NAV2: variants seen among roughly 807,000 people sequenced by gnomAD.
NAV2 encodes neuron navigator 2, also known as helicase, APC down-regulated 1.
In NAV2, 54 loss-of-function variants were observed where a neutral mutation model predicts 223.2. That is an observed-to-expected ratio of 0.24 (90% confidence interval 0.19 to 0.30). The LOEUF (loss-of-function observed/expected upper bound fraction) is 0.30, where lower values mean the gene tolerates loss of function less well. NAV2 is among the 10% of genes least tolerant of loss of function. NAV2 has a pLI of 1.00. For synonymous variants in NAV2, 1,279 were observed against 1,239.3 expected, an observed-to-expected ratio of 1.03 and a Z score of -0.67; for missense variants, 2,806 against 3,147.5, an observed-to-expected ratio of 0.89 and a Z score of 2.60.
chr11:19,465,403 C>A (rs1362636033), intron 1 of NAV2, among the ~76,000 whole-genome samples: 1 of 152,126 alleles, frequency 6.6e-6, no homozygotes, highest in Non-Finnish European at 1.5e-5. Context: ...TATAAAATAG[C>A]TTCTTTGTAT....
intron 1 of NAV2, among the ~76,000 whole-genome samples, chr11:19,461,813 G>C (rs4757002): frequency 0.61 from 92,728 of 152,118 alleles, 29,049 homozygotes; most frequent in Non-Finnish European, 0.7. Context: ...CTTATATCTC[G>C]GTTATGAACA....
chr11:19,487,068 G>A (rs768198105), intron 1 of NAV2, among the ~76,000 whole-genome samples: 2 of 152,146 alleles, frequency 1.3e-5, no homozygotes, highest in Admixed American at 6.5e-5. Context: ...CACATTACCT[G>A]GGTAAGTGGC....
chr11:19,392,293 T>G (rs1246679136), intron 1 of NAV2, among the ~76,000 whole-genome samples: 1 of 152,240 alleles, frequency 6.6e-6, no homozygotes, highest in Non-Finnish European at 1.5e-5. Flanking sequence ...CATTTATTGC[T>G]ATATAACAAA....
At chr11:19,712,826 G>T (rs908575039), upstream of NAV2, among the ~76,000 whole-genome samples, 2 of 151,530 alleles carry the variant, frequency 1.3e-5, no homozygotes, top group East Asian at 2.0e-4. Context: ...CAGCAGCGCC[G>T]GCAGCAGCCT....
intron 1 of NAV2, among the ~76,000 whole-genome samples, chr11:19,753,711 GA>G (rs2054023012): frequency 6.6e-6 from 1 of 152,244 alleles, no homozygotes; most frequent in Non-Finnish European, 1.5e-5. Flanking sequence ...GCTGAAGTCA[GA>G]ACAGGTGGGG....
intron 10 of NAV2, among the ~76,000 whole-genome samples, chr11:19,980,053 C>G (rs1018256405): frequency 1.3e-5 from 2 of 152,172 alleles, no homozygotes; most frequent in Non-Finnish European, 2.9e-5. Flanking sequence ...TATACTAGGT[C>G]CTTCAGCCAG....
chr11:19,664,159 A>C (rs1426049223), intron 1 of NAV2, among the ~76,000 whole-genome samples: 1 of 152,238 alleles, frequency 6.6e-6, no homozygotes, highest in Non-Finnish European at 1.5e-5. Context: ...TTCAATTATT[A>C]AAGAACACCA....
rs544383994 is a variant in NAV2 at position 19,803,067 on chromosome 11, C to A, written c.268-29417C>A. On this transcript the variant is annotated intron_variant, in intron 1 of 37. Coordinates refer to ENST00000349880, the MANE Select transcript of NAV2 (RefSeq NM_145117.5). ...ATTTTTACCAGCAATACAGATGTTT[C>A]TGCTCTTGTGCAAAATTTCATTAAA... Among the ~76,000 whole-genome samples the A allele has an allele frequency of 3.9e-3, 597 of 152,288 alleles. 1 individual carries two copies. The highest frequency in any genetic ancestry group is 0.034 in the Middle Eastern group (10 of 294).
chr11:19,396,946 GA>G (rs1427248646), intron 1 of NAV2, among the ~76,000 whole-genome samples: 1 of 152,180 alleles, frequency 6.6e-6, no homozygotes, highest in East Asian at 1.9e-4. Context: ...GTATTCACCG[GA>G]AGCCTCTTCC....
chr11:19,473,829 C>A (rs1222963342), intron 1 of NAV2, among the ~76,000 whole-genome samples: 1 of 152,188 alleles, frequency 6.6e-6, no homozygotes, highest in Admixed American at 6.5e-5. Flanking sequence ...AATTGTCTCA[C>A]CCAAGATTAT....
chr11:20,107,057 ATTTTTTTTTTTTTTTTTTTTTTT>A (rs10590815), intron 35 of NAV2, among the ~76,000 whole-genome samples: 7 of 27,228 alleles, frequency 2.6e-4, no homozygotes, highest in African/African-American at 9.5e-4. Flanking sequence ...ATGGGCTTCC[ATTTTTTTTTTTTTTTTTTTTTTT>A]TTTTTTTTTT....
At chr11:19,881,355 C>T (rs1177691917) in intron 5 of NAV2, among the ~76,000 whole-genome samples, 1 of 152,126 alleles carries the variant, frequency 6.6e-6, no homozygotes, top group Admixed American at 6.6e-5. Context: ...TTTGCCAAAC[C>T]CTTTCCCTGG....
chr11:19,861,156 T>G (rs899256482), intron 3 of NAV2, among the ~76,000 whole-genome samples: 2 of 151,970 alleles, frequency 1.3e-5, no homozygotes, highest in African/African-American at 4.8e-5. Flanking sequence ...AAACAGATAT[T>G]GTCACCTAAT....
intron 1 of NAV2, among the ~76,000 whole-genome samples, chr11:19,422,063 T>C (rs1424098580): frequency 1.3e-5 from 2 of 152,176 alleles, no homozygotes; most frequent in Admixed American, 1.3e-4. Flanking sequence ...CAAGAGCCTG[T>C]CAGTCTCCTA....
At chr11:19,702,550 G>A (rs906600387) in intron 1 of NAV2, among the ~76,000 whole-genome samples, 5 of 152,092 alleles carry the variant, frequency 3.3e-5, no homozygotes, top group African/African-American at 9.7e-5. Flanking sequence ...AGGCCAAGGC[G>A]GGCAGATTGC....
upstream of NAV2, among the ~76,000 whole-genome samples, chr11:19,348,555 G>A (rs1311681226): frequency 1.3e-5 from 2 of 152,102 alleles, no homozygotes; most frequent in African/African-American, 2.4e-5. Context: ...GTCTCATCTC[G>A]AATACAAAGC....
intron 10 of NAV2, among the ~76,000 whole-genome samples, chr11:19,956,570 T>C (rs540323527): frequency 1.3e-5 from 2 of 152,250 alleles, no homozygotes; most frequent in South Asian, 4.1e-4. Flanking sequence ...TTACTGTGGC[T>C]GGTGTGTTAT....
At position 20,043,917 on chromosome 11, in the gene NAV2, T is replaced by C. The variant is rs549610291; in HGVS notation, c.2908-64T>C. The C allele has an allele frequency of 2.3e-5, 35 of 1,541,814 alleles. No individual in the cohort carries two copies. The South Asian group carries it at 4.0e-4, about 18-fold the overall frequency. The stretch of plus-strand genomic sequence containing the variant: ...TCCAGTGTTTTGGCATTTTTGCCTT[T>C]GGAGTGAGGGGCTTCCCAGCCTGGG... On this transcript the variant is annotated intron_variant, in intron 12 of 37. Coordinates refer to ENST00000349880, the MANE Select transcript of NAV2 (RefSeq NM_145117.5).
At chr11:20,033,141 C>A (rs2055952405) in intron 11 of NAV2, among the ~76,000 whole-genome samples, 1 of 152,226 alleles carries the variant, frequency 6.6e-6, no homozygotes, top group Admixed American at 6.5e-5. Flanking sequence ...CACTGAATGA[C>A]ATCGGTCAGC....
Sources: allele counts gnomAD v4.1 joint callset (sites outside exome capture counted in the v4.1 genomes callset), GRCh38; gene constraint gnomAD v4.1.1; transcripts MANE v1.5; gene names NCBI Gene and HGNC (gene_info 2026-07-23, HGNC 2026-07-21).